DNAH3: variants seen among roughly 807,000 people sequenced by gnomAD.
The protein encoded by DNAH3 is axonemal beta dynein heavy chain 3.
A neutral mutation model predicts 432.5 loss-of-function variants in DNAH3; 332 were observed. That is an observed-to-expected ratio of 0.77 (90% CI 0.70 to 0.84). The LOEUF (loss-of-function observed/expected upper bound fraction) is 0.84, where lower values mean the gene tolerates loss of function less well. DNAH3 is among the 40% of genes least tolerant of loss of function. The pLI, the probability that DNAH3 is intolerant of heterozygous loss-of-function variation, is 0.00. For synonymous variants in DNAH3, 1,956 were observed against 1,900.2 expected (o/e 1.03, Z -0.76); for missense variants, 4,861 against 5,114.0 (o/e 0.95, Z 1.51).
chr16:21,135,919 C>T (rs1054891836), intron 6 of DNAH3, among the ~76,000 whole-genome samples: 12 of 151,272 alleles, frequency 7.9e-5, no homozygotes, highest in Middle Eastern at 6.8e-3. Context: ...AATGTAGAAT[C>T]TCAGGCCCCA....
At chr16:20,943,570 GAC>G (rs1453355977) in intron 58 of DNAH3, among the ~76,000 whole-genome samples, 3 of 152,062 alleles carry the variant, frequency 2.0e-5, no homozygotes, top group African/African-American at 7.2e-5. Context: ...CTCTCAAAAA[GAC>G]AGTTTCGGGT....
chr16:21,120,707 G>A, intron 11 of DNAH3: 1 of 1,486,490 alleles, frequency 6.7e-7, no homozygotes, highest in Non-Finnish European at 9.4e-7. Flanking sequence ...TCTTGGCATT[G>A]TAATTCATCA....
intron 28 of DNAH3, 87 bp downstream of exon 28, chr16:21,054,333 T>C (rs1284297504): frequency 2.9e-6 from 3 of 1,026,020 alleles, no homozygotes; most frequent in Non-Finnish European, 4.4e-6. Context: ...AAACCCTGAA[T>C]TATTCCGTCC....
chr16:20,959,202 A>C, exon 54 of DNAH3: 1 of 1,614,188 alleles, frequency 6.2e-7, no homozygotes, highest in South Asian at 1.1e-5. Flanking sequence ...TGGTGCTCTC[A>C]GGAACAATCA....
At chr16:21,058,988 A>G (rs1304622671) in intron 26 of DNAH3, among the ~76,000 whole-genome samples, 2 of 152,340 alleles carry the variant, frequency 1.3e-5, no homozygotes, top group Non-Finnish European at 2.9e-5. Flanking sequence ...CATGTATCCC[A>G]GAACTTAAAG....
exon 52 of DNAH3, chr16:20,969,886 C>T (rs1265687714): frequency 6.2e-7 from 1 of 1,614,166 alleles, no homozygotes; most frequent in South Asian, 1.1e-5. Context: ...GTGGGTTCTG[C>T]ATCGACTTCA....
chr16:20,982,885 G>C, exon 49 of DNAH3: 1 of 1,613,848 alleles, frequency 6.2e-7, no homozygotes, highest in Non-Finnish European at 8.5e-7. Flanking sequence ...TTGGACTCAT[G>C]GCTAATGAAA....
At chr16:21,130,091 G>GAAAAAAAAAAAAAAA (rs58706051) in intron 7 of DNAH3, 1 of 79,152 alleles carries the variant, frequency 1.3e-5, no homozygotes, top group African/African-American at 4.6e-5. Flanking sequence ...CTAAATAAAT[G>GAAAAAAAAAAAAAAA]AAAAAAAAAA....
chr16:21,064,098 G>A (rs972399384), intron 24 of DNAH3, among the ~76,000 whole-genome samples: 1 of 152,268 alleles, frequency 6.6e-6, no homozygotes, highest in East Asian at 1.9e-4. Context: ...ACTTGAGCTG[G>A]CTCTGTGTCT....
chr16:21,052,136 C>A (rs1036436350), intron 28 of DNAH3, among the ~76,000 whole-genome samples: 2 of 152,070 alleles, frequency 1.3e-5, no homozygotes, highest in African/African-American at 4.8e-5. Context: ...GGATTATAGG[C>A]GCACGCCACC....
intron 41 of DNAH3, among the ~76,000 whole-genome samples, chr16:21,004,800 G>T (rs2087197646): frequency 6.6e-6 from 1 of 151,384 alleles, no homozygotes; most frequent in South Asian, 2.1e-4. Flanking sequence ...CCTGATATCA[G>T]ACCATTTCAA....
At chr16:20,944,435 CCCA>C in intron 58 of DNAH3, 58 bp downstream of exon 58, 1 of 1,582,228 alleles carries the variant, frequency 6.3e-7, no homozygotes, top group Admixed American at 1.7e-5. Flanking sequence ...ATCCTGTGTG[CCCA>C]CTGGATGAAG....
exon 57 of DNAH3, chr16:20,948,551 T>C (rs760686626): frequency 2.5e-6 from 4 of 1,613,976 alleles, no homozygotes; most frequent in Admixed American, 1.7e-5. Context: ...TCCTCCTCAA[T>C]TTCCTTACAG....
chr16:21,109,812 C>T (rs1216393909), intron 14 of DNAH3, among the ~76,000 whole-genome samples: 3 of 151,372 alleles, frequency 2.0e-5, no homozygotes, highest in Admixed American at 2.0e-4. Flanking sequence ...GAACATGGTT[C>T]ATTGCAGCCT....
At chr16:20,957,159 C>T (rs563499619) in intron 54 of DNAH3, among the ~76,000 whole-genome samples, 7 of 152,250 alleles carry the variant, frequency 4.6e-5, no homozygotes, top group East Asian at 1.9e-4. Flanking sequence ...TTCTGGCAGA[C>T]GACTGAGATG....
intron 41 of DNAH3, chr16:21,019,144 A>T (rs1183093433): frequency 6.9e-6 from 1 of 145,754 alleles, no homozygotes; most frequent in African/African-American, 2.6e-5. Context: ...CCCATGGGCC[A>T]ACTCTATTTT....
At chr16:20,957,292 T>C (rs2152603757) in intron 54 of DNAH3, among the ~76,000 whole-genome samples, 1 of 152,338 alleles carries the variant, frequency 6.6e-6, no homozygotes, top group East Asian at 1.9e-4. Context: ...CTACTTGTCA[T>C]ACAAAAGTAG....
chr16:20,975,095 T>G, intron 51 of DNAH3, 138 bp downstream of exon 51: 3 of 990,616 alleles, frequency 3.0e-6, no homozygotes, highest in Non-Finnish European at 4.5e-6. Flanking sequence ...TCTCCCAAAG[T>G]GCTGGGATTA....
intron 11 of DNAH3, among the ~76,000 whole-genome samples, chr16:21,119,680 T>A (rs981337608): frequency 2.9e-4 from 44 of 151,378 alleles, no homozygotes; most frequent in African/African-American, 1.1e-3. Context: ...CACTGTAACC[T>A]CCGCCTCCTG....
Sources: gnomAD v4.1 joint callset for allele counts (sites outside exome capture counted in the v4.1 genomes callset) on GRCh38, gnomAD v4.1.1 for gene constraint, MANE v1.5 for transcripts, NCBI Gene and HGNC (gene_info 2026-07-23, HGNC 2026-07-21) for gene names.